Variants in PNPT1 observed in about 807,000 individuals in gnomAD.
PNPT1 encodes the protein polyribonucleotide nucleotidyltransferase 1.
Under a neutral mutation model 119.5 loss-of-function variants are expected in PNPT1, and 53 were observed. The ratio of observed to expected loss-of-function variants is 0.44; its 90% CI spans 0.36 to 0.56. The LOEUF (loss-of-function observed/expected upper bound fraction) is 0.56. PNPT1 is among the 20% of genes least tolerant of loss of function. The pLI is 0.00. For missense variants in PNPT1, 948 were observed against 938.5 expected (o/e 1.01, Z -0.13); for synonymous variants, 357 against 322.1 (o/e 1.11, Z -1.16).
intron 27 of PNPT1, 75 bp from the exon 28 acceptor site, chr2:55,636,467 T>G: frequency 1.4e-6 from 2 of 1,461,212 alleles, no homozygotes; most frequent in Non-Finnish European, 1.9e-6. Context: ...ACATTTAAAT[T>G]TACATGGTCC....
intron 8 of PNPT1, among the ~76,000 whole-genome samples, chr2:55,673,541 CA>C (rs1696976925): frequency 6.6e-6 from 1 of 151,944 alleles, no homozygotes; most frequent in South Asian, 2.1e-4. Flanking sequence ...CTCTGCCTCC[CA>C]GGTTCACACC....
Position 55,666,974 on chromosome 2 carries a change from C to A in PNPT1, c.1176+17G>T. On this transcript the variant is annotated intron_variant, in intron 13 of 27. Coordinates refer to ENST00000447944, the MANE Select transcript of PNPT1 (RefSeq NM_033109.5). ...ATCTTAATTTAGCAAATAATTAGAGCTTTTTATATAAATTACCTGTGTTTG... is the reference window on the plus strand; with the variant it reads ...ATCTTAATTTAGCAAATAATTAGAGATTTTTATATAAATTACCTGTGTTTG... 6.7e-7 allele frequency: 1 copy of A among 1,497,834 alleles called. No homozygotes were observed. Among genetic ancestry groups the A allele is most frequent in the Non-Finnish European group, 9.0e-7 (1 of 1,108,836 alleles). 92.8% of individuals were successfully genotyped at this position (1,497,834 alleles called of 1,614,324 possible). A position where few individuals can be genotyped will look rare whatever the true frequency, so the allele number is the denominator to read the frequency against.
chr2:55,650,617 G>A (rs1696146801), intron 18 of PNPT1, among the ~76,000 whole-genome samples: 1 of 152,014 alleles, frequency 6.6e-6, no homozygotes, highest in Admixed American at 6.5e-5. Context: ...CATCTGGGAA[G>A]TGAGGAGCGT....
Position 55,646,273 on chromosome 2 carries a change from A to G in PNPT1, c.1724T>C (p.Ile575Thr). Residue 575 changes from isoleucine to threonine, a missense_variant, in exon 21 of 28, where the codon ATT (isoleucine) becomes ACT (threonine). Ile to Thr is a moderately conservative substitution (Grantham distance 89). Coordinates refer to ENST00000447944, the MANE Select transcript of PNPT1 (RefSeq NM_033109.5). ...GIPIKIVMEAIQQASVAKKEI... is the reference protein window; with the variant it reads ...GIPIKIVMEATQQASVAKKEI... ...CACTAGCTCACCTGAAGCTTGTTGA[A>G]TAGCCTCCATCACAATTTTTATTGG... is the stretch of plus-strand genomic sequence containing the variant. 6.2e-7 allele frequency: 1 copy of G among 1,613,232 alleles called. No homozygotes were observed. The highest frequency in any genetic ancestry group is 8.5e-7 in the Non-Finnish European group (1 of 1,179,362).
intron 11 of PNPT1, among the ~76,000 whole-genome samples, chr2:55,669,877 G>T (rs922208171): frequency 1.3e-5 from 2 of 151,108 alleles, no homozygotes; most frequent in Non-Finnish European, 1.5e-5. Flanking sequence ...TCATGCCTCA[G>T]CCTCCCAAGT....
chr2:55,661,186 G>A (rs1696560606), intron 14 of PNPT1, among the ~76,000 whole-genome samples: 1 of 148,646 alleles, frequency 6.7e-6, no homozygotes. Flanking sequence ...TCCACCTCCT[G>A]GGTTCACGCC....
intron 8 of PNPT1, among the ~76,000 whole-genome samples, chr2:55,678,134 A>G (rs1697139248): frequency 1.3e-5 from 2 of 152,174 alleles, no homozygotes; most frequent in African/African-American, 2.4e-5. Flanking sequence ...TATCTTCATA[A>G]CTACCCTGTA....
chr2:55,643,570 G>C lies in PNPT1; in HGVS notation c.1907-145C>G, dbSNP rs1006231275. On this transcript the variant is annotated intron_variant, in intron 23 of 27. Coordinates refer to ENST00000447944, the MANE Select transcript of PNPT1 (RefSeq NM_033109.5). ...GGCCAGCCTGGGCAACATAGGGAGA[G>C]CCTGTTACTACAAAAAATAAATTCA... 17 of 662,824 alleles carry C rather than the reference G, an allele frequency of 2.6e-5. No homozygotes were observed. In the Admixed American group the frequency reaches 4.6e-4, roughly 18 times the overall value. The allele number at this position is 662,824 out of a possible 1,614,324, so 41.1% of individuals were successfully genotyped here.
chr2:55,644,358 A>T (rs1695923419), intron 23 of PNPT1, among the ~76,000 whole-genome samples: 1 of 152,222 alleles, frequency 6.6e-6, no homozygotes, highest in South Asian at 2.1e-4. Flanking sequence ...TAAAGTTAAA[A>T]ACTAAAAATT....
chr2:55,683,694 C>G, intron 5 of PNPT1, 91 bp downstream of exon 5: 1 of 1,154,920 alleles, frequency 8.7e-7, no homozygotes, highest in Non-Finnish European at 1.2e-6. Context: ...TTCTTATGTT[C>G]TTTATAATGT....
At chr2:55,692,274 T>C (rs959222899) in intron 1 of PNPT1, among the ~76,000 whole-genome samples, 1 of 152,116 alleles carries the variant, frequency 6.6e-6, no homozygotes, top group Non-Finnish European at 1.5e-5. Flanking sequence ...TGGTCCTTTA[T>C]AGAAAAGTTT....
At chr2:55,656,280 A>G in intron 16 of PNPT1, 25 bp downstream of exon 16, 5 of 1,611,500 alleles carry the variant, frequency 3.1e-6, no homozygotes, top group Non-Finnish European at 4.2e-6. Context: ...AGAATACCGT[A>G]TTAAGTTTAC....
At chr2:55,641,724 A>G (rs753936112) in intron 25 of PNPT1, among the ~76,000 whole-genome samples, 1 of 152,138 alleles carries the variant, frequency 6.6e-6, no homozygotes. Context: ...TTTTATTTCA[A>G]ATAGCTTTGA....
intron 13 of PNPT1, among the ~76,000 whole-genome samples, chr2:55,666,443 TTC>T (rs1192599745): frequency 6.6e-6 from 1 of 152,174 alleles, no homozygotes; most frequent in African/African-American, 2.4e-5. Flanking sequence ...TCTTGCTGGT[TTC>T]TCAGTTGCAT....
At chr2:55,652,980 T>C (rs1471585765) in intron 18 of PNPT1, among the ~76,000 whole-genome samples, 1 of 152,192 alleles carries the variant, frequency 6.6e-6, no homozygotes, top group Non-Finnish European at 1.5e-5. Context: ...CCCAAGTAGC[T>C]GGGATTACAG....
intron 2 of PNPT1, among the ~76,000 whole-genome samples, chr2:55,687,343 G>A (rs1697443449): frequency 6.6e-6 from 1 of 152,100 alleles, no homozygotes; most frequent in Non-Finnish European, 1.5e-5. Context: ...GGGAGGCTGA[G>A]GCAAAAGAAT....
intron 10 of PNPT1, 148 bp from the exon 11 acceptor site, chr2:55,671,524 C>G (rs1438661660): frequency 4.0e-6 from 2 of 502,492 alleles, no homozygotes; most frequent in African/African-American, 2.0e-5. Flanking sequence ...TGATTTATGA[C>G]AAATACTACA....
chr2:55,657,997 G>C (rs1039466844), intron 15 of PNPT1, among the ~76,000 whole-genome samples: 13 of 151,844 alleles, frequency 8.6e-5, no homozygotes, highest in Non-Finnish European at 1.6e-4. Flanking sequence ...CAGCACTTTG[G>C]GAGGCTGAGG....
In PNPT1 at chr2:55,655,394, A is replaced by G. The variant is rs1169975566; in HGVS notation, c.1442-441T>C. Among the ~76,000 whole-genome samples, 7 of 152,334 alleles carry G rather than the reference A, an allele frequency of 4.6e-5. No homozygotes were observed. In the East Asian group the frequency reaches 1.2e-3, roughly 25 times the overall value. On this transcript the variant is annotated intron_variant, in intron 17 of 27. Transcript: ENST00000447944. Reference sequence around the variant, plus strand: ...CTTGGCCTCCCAAAGTGCTGGGATTACAGGTGTGAGCCACCAAGCCCAGCC... The same window carrying G: ...CTTGGCCTCCCAAAGTGCTGGGATTGCAGGTGTGAGCCACCAAGCCCAGCC...
Sources: allele counts gnomAD v4.1 joint callset (sites outside exome capture counted in the v4.1 genomes callset), GRCh38; gene constraint gnomAD v4.1.1; transcripts MANE v1.5; gene names NCBI Gene and HGNC (gene_info 2026-07-23, HGNC 2026-07-21).